Variants in DMXL2 observed in about 807,000 individuals in gnomAD.
The protein encoded by DMXL2 is Dmx like 2.
A neutral mutation model predicts 331.1 loss-of-function variants in DMXL2; 103 were observed. That is an observed-to-expected ratio of 0.31 (90% CI 0.27 to 0.37). The LOEUF (loss-of-function observed/expected upper bound fraction) is 0.37. Ranked by LOEUF, DMXL2 falls within the 10% of genes least tolerant of loss-of-function variation. The probability of loss-of-function intolerance (pLI) is 1.00; values close to 1 mark genes in which losing one functional copy is unlikely to be tolerated. For missense variants in DMXL2, 3,171 were observed against 3,642.9 expected, an observed-to-expected ratio of 0.87 and a Z score of 3.33; for synonymous variants, 1,281 against 1,252.1, an observed-to-expected ratio of 1.02 and a Z score of -0.49.
In DMXL2 at chr15:51,499,108, T is replaced by C. The variant is rs1466992146; in HGVS notation, c.4116A>G (p.Val1372=). The C allele has an allele frequency of 1.2e-6, 2 of 1,614,110 alleles. No homozygotes were observed. The highest frequency in any genetic ancestry group is 1.7e-6 in the Non-Finnish European group (2 of 1,180,024). The part of the protein sequence containing the change: ...RRAKAILSHL[V]KCIAGEVAIV... ...TTGCTACTTCACCTGCAATACATTT[T>C]ACTAAATGAGAGAGAATGGCTTTAG... is the stretch of plus-strand genomic sequence containing the variant. Residue 1372 remains valine (V), a synonymous_variant, in exon 18 of 44, where the codon GTA becomes GTG. Transcript: ENST00000560891.
At chr15:51,520,359 C>T (rs1457728857) in intron 13 of DMXL2, among the ~76,000 whole-genome samples, 2 of 152,220 alleles carry the variant, frequency 1.3e-5, no homozygotes, top group East Asian at 1.9e-4. Flanking sequence ...ACAAATCACT[C>T]AGCAAGGTCA....
intron 9 of DMXL2, among the ~76,000 whole-genome samples, chr15:51,539,509 T>C (rs1020035016): frequency 1.2e-4 from 19 of 152,102 alleles, no homozygotes; most frequent in African/African-American, 2.7e-4. Flanking sequence ...GATGAGTTCA[T>C]GTAAGAGAGT....
chr15:51,553,650 G>A (rs560217109), intron 6 of DMXL2, among the ~76,000 whole-genome samples: 41 of 152,178 alleles, frequency 2.7e-4, no homozygotes, highest in African/African-American at 9.6e-4. Context: ...TGAAAATGAT[G>A]AGGATGAAGA....
chr15:51,522,644 CA>C (rs1327052317), intron 13 of DMXL2, among the ~76,000 whole-genome samples: 1 of 151,926 alleles, frequency 6.6e-6, no homozygotes, highest in Non-Finnish European at 1.5e-5. Context: ...GACTCTGTCT[CA>C]AAAAAATAAA....
At chr15:51,461,830 A>G (rs1231855307) in intron 33 of DMXL2, among the ~76,000 whole-genome samples, 1 of 152,130 alleles carries the variant, frequency 6.6e-6, no homozygotes, top group African/African-American at 2.4e-5. Context: ...GTGAGCCACT[A>G]TGCCTGGCTA....
At position 51,456,794 on chromosome 15, in the gene DMXL2, T is replaced by C. The variant is rs575036831; in HGVS notation, c.8338-425A>G. Among the ~76,000 whole-genome samples, 31 of 152,356 alleles carry C rather than the reference T, an allele frequency of 2.0e-4. No individual in the cohort carries two copies. In the South Asian group the frequency reaches 2.7e-3, roughly 13 times the overall value. ...TGCTTTACCATTTTGTATCTGTTTA[T>C]TCATCTGTAAAATGATAATGGAGGG... On this transcript the variant is annotated intron_variant, in intron 37 of 43. Coordinates refer to ENST00000560891, the MANE Select transcript of DMXL2 (RefSeq NM_001378457.1).
intron 1 of DMXL2, among the ~76,000 whole-genome samples, chr15:51,576,440 C>T (rs1033418788): frequency 1.3e-5 from 2 of 152,114 alleles, no homozygotes; most frequent in South Asian, 2.1e-4. Flanking sequence ...CTTAGAACAG[C>T]CACTGTTCCT....
chr15:51,565,241 T>C, intron 3 of DMXL2, 75 bp from the exon 4 acceptor site: 1 of 881,250 alleles, frequency 1.1e-6, no homozygotes, highest in African/African-American at 1.8e-5. Flanking sequence ...AACACTACCA[T>C]TTTATCATTT....
intron 1 of DMXL2, among the ~76,000 whole-genome samples, chr15:51,576,639 C>G (rs887633779): frequency 6.6e-6 from 1 of 152,070 alleles, no homozygotes; most frequent in Non-Finnish European, 1.5e-5. Flanking sequence ...TTCCACATGC[C>G]TTAAAGAGCT....
rs768160275 is a variant in DMXL2, at chr15:51,498,540, G to A, written c.4672+12C>T. On this transcript the variant is annotated intron_variant, in intron 18 of 43. Coordinates refer to ENST00000560891, the MANE Select transcript of DMXL2 (RefSeq NM_001378457.1). ...AGGTACAACTTTATAAATTTTTAGC[G>A]AGAATATTTACCTGAGCAACTCTTA... 11 of 1,591,050 alleles carry A rather than the reference G, an allele frequency of 6.9e-6. No individual in the cohort carries two copies. Among genetic ancestry groups the A allele is most frequent in the East Asian group, 2.2e-5 (1 of 44,636 alleles).
intron 1 of DMXL2, among the ~76,000 whole-genome samples, chr15:51,580,367 T>G (rs2051325899): frequency 6.6e-6 from 1 of 152,190 alleles, no homozygotes; most frequent in Non-Finnish European, 1.5e-5. Context: ...TACTTCTGAC[T>G]AAGCTAAGTT....
At chr15:51,457,508 C>A in intron 36 of DMXL2, 42 bp from the exon 37 acceptor site, 1 of 1,599,690 alleles carries the variant, frequency 6.3e-7, no homozygotes, top group Non-Finnish European at 8.5e-7. Flanking sequence ...ATTCCCTTTT[C>A]TCTTAACACA....
chr15:51,593,505 A>G (rs1156647171), intron 1 of DMXL2, among the ~76,000 whole-genome samples: 2 of 152,202 alleles, frequency 1.3e-5, no homozygotes, highest in South Asian at 4.1e-4. Context: ...AGACAGATCA[A>G]CGAGACAGAA....
At chr15:51,620,843 A>G (rs28428679) in intron 1 of DMXL2, among the ~76,000 whole-genome samples, 72,328 of 152,016 alleles carry the variant, frequency 0.48, 17,620 homozygotes, top group Non-Finnish European at 0.52. Context: ...CCACACCTGC[A>G]CAGCACTAAC....
intron 1 of DMXL2, among the ~76,000 whole-genome samples, chr15:51,617,828 A>C (rs2054377638): frequency 6.6e-6 from 1 of 152,214 alleles, no homozygotes; most frequent in Admixed American, 6.5e-5. Flanking sequence ...TCAGAACCTT[A>C]CCAGAGTTTC....
chr15:51,461,463 A>C (rs980769398), intron 33 of DMXL2, among the ~76,000 whole-genome samples: 2 of 152,240 alleles, frequency 1.3e-5, no homozygotes, highest in South Asian at 4.1e-4. Flanking sequence ...ATAAATCATT[A>C]ATTTTAATAA....
intron 24 of DMXL2, 95 bp downstream of exon 24, chr15:51,480,447 T>G: frequency 1.5e-6 from 2 of 1,351,486 alleles, no homozygotes; most frequent in South Asian, 3.6e-5. Context: ...TTAGATTAAC[T>G]AGTAAAAAGT....
intron 15 of DMXL2, among the ~76,000 whole-genome samples, chr15:51,510,674 C>A (rs1376954364): frequency 6.6e-6 from 1 of 152,028 alleles, no homozygotes; most frequent in African/African-American, 2.4e-5. Flanking sequence ...ACTTTCCTCA[C>A]AGAATTAGAA....
At chr15:51,591,341 C>A (rs1434726322) in intron 1 of DMXL2, among the ~76,000 whole-genome samples, 2 of 152,216 alleles carry the variant, frequency 1.3e-5, no homozygotes, top group Admixed American at 6.5e-5. Flanking sequence ...ATTGCTAGCA[C>A]AGCAGTCTGA....
Sources: allele counts gnomAD v4.1 joint callset (sites outside exome capture counted in the v4.1 genomes callset), GRCh38; gene constraint gnomAD v4.1.1; transcripts MANE v1.5; gene names NCBI Gene and HGNC (gene_info 2026-07-23, HGNC 2026-07-21).